The following UTP20 variants were observed in gnomAD, a reference collection of about 807,000 sequenced individuals.
UTP20 encodes the protein small subunit processome component 20 homolog.
A neutral mutation model predicts 329.5 loss-of-function variants in UTP20; 164 were observed. The ratio of observed to expected loss-of-function variants is 0.50; its 90% CI spans 0.44 to 0.57. The LOEUF is 0.57. Among genes scored for constraint, UTP20 ranks in the 20% least tolerant of loss-of-function variants. The probability of loss-of-function intolerance (pLI) is 0.00; values close to 1 mark genes in which losing one functional copy is unlikely to be tolerated. For missense variants in UTP20, 3,055 were observed against 3,284.2 expected (o/e 0.93, Z 1.71); for synonymous variants, 1,151 against 1,159.3 (o/e 0.99, Z 0.14).
chr12:101,317,899 T>C (rs1474981136), intron 22 of UTP20, among the ~76,000 whole-genome samples: 1 of 152,158 alleles, frequency 6.6e-6, no homozygotes, highest in Non-Finnish European at 1.5e-5. Context: ...CTTTTGAGAG[T>C]CATCTAATTG....
Position 101,361,628 on chromosome 12 carries a change from AAAATAAATAAATAAATAAAT to A in UTP20, c.5692-302_5692-283del, listed in dbSNP as rs60016529. ...GCTACAAGAGCAACACTCTGTCTCA[AAAATAAATAAATAAATAAAT>A]AAATAAATAAATAAATAAATAAATA... On this transcript the variant is annotated intron_variant, in intron 43 of 61. Transcript: ENST00000261637. 3.3e-4 allele frequency among the ~76,000 whole-genome samples: 46 copies of A among 139,154 alleles called. 1 individual carries two copies. Among genetic ancestry groups the A allele is most frequent in the African/African-American group, 9.9e-4 (38 of 38,256 alleles). 91.3% of individuals were successfully genotyped at this position (139,154 alleles called of 152,430 possible). A position where few individuals can be genotyped will look rare whatever the true frequency, so the allele number is the denominator to read the frequency against.
intron 19 of UTP20, among the ~76,000 whole-genome samples, chr12:101,310,120 A>G (rs1489608995): frequency 6.6e-6 from 1 of 152,148 alleles, no homozygotes; most frequent in Non-Finnish European, 1.5e-5. Context: ...CTTTTGTGTT[A>G]TTAAAATTTG....
At chr12:101,377,856 A>G (rs1870526197) in intron 56 of UTP20, among the ~76,000 whole-genome samples, 1 of 152,210 alleles carries the variant, frequency 6.6e-6, no homozygotes, top group South Asian at 2.1e-4. Context: ...GCATTGGGAA[A>G]TAAGATTAAT....
intron 43 of UTP20, among the ~76,000 whole-genome samples, chr12:101,359,126 C>T (rs147901477): frequency 8.5e-5 from 13 of 152,110 alleles, no homozygotes; most frequent in African/African-American, 2.6e-4. Context: ...GAGTGCACTG[C>T]GATCTTGGCT....
intron 2 of UTP20, among the ~76,000 whole-genome samples, chr12:101,283,564 C>G (rs917999025): frequency 1.3e-5 from 2 of 152,182 alleles, no homozygotes; most frequent in African/African-American, 4.8e-5. Context: ...GACATGGTCT[C>G]TCACACATAG....
chr12:101,370,450 A>G lies in UTP20; in HGVS notation c.6574A>G (p.Lys2192Glu). Reference protein sequence around the residue: ...NCFKCVTILVKKVKSYQITEK... With the variant: ...NCFKCVTILVEKVKSYQITEK... ...CTTGCAGTGTGTGACCATACTTGTC[A>G]AGAAAGTCAAGTCTTACCAGATAAC... Residue 2192 changes from lysine (K) to glutamate (E), a missense_variant, in exon 50 of 62, where the codon AAG becomes GAG. Physicochemically the swap from Lys to Glu is moderately conservative, Grantham distance 56. Around this residue, in one of 3 missense-constraint regions of UTP20, gnomAD observed 273 missense variants for 363.1 expected, o/e 0.75. Transcript: ENST00000261637. 6.2e-7 allele frequency: 1 copy of G among 1,613,798 alleles called. No homozygotes were observed. Among genetic ancestry groups the G allele is most frequent in the Non-Finnish European group, 8.5e-7 (1 of 1,179,894 alleles).
At chr12:101,330,586 T>C (rs1868729105) in intron 27 of UTP20, among the ~76,000 whole-genome samples, 1 of 152,242 alleles carries the variant, frequency 6.6e-6, no homozygotes, top group Non-Finnish European at 1.5e-5. Context: ...TCTTAGAAAG[T>C]TCTTTCTCTG....
At chr12:101,353,000 A>G (rs771197017) in intron 39 of UTP20, 47 bp from the exon 40 acceptor site, 4 of 1,180,190 alleles carry the variant, frequency 3.4e-6, no homozygotes, top group African/African-American at 1.5e-5. Context: ...TAATCCAGTG[A>G]TATTAATAAT....
chr12:101,287,330 T>C (rs1464191417), intron 5 of UTP20, among the ~76,000 whole-genome samples: 1 of 152,250 alleles, frequency 6.6e-6, no homozygotes, highest in Non-Finnish European at 1.5e-5. Flanking sequence ...TGGTCAAATA[T>C]GTTAGAAACC....
At chr12:101,292,152 G>A (rs1872180800) in intron 10 of UTP20, 48 bp downstream of exon 10, 6 of 1,585,140 alleles carry the variant, frequency 3.8e-6, no homozygotes, top group African/African-American at 1.3e-5. Context: ...AATATGTTTA[G>A]CATTGAGTAA....
Position 101,317,194 on chromosome 12 carries a change from G to A in UTP20, c.2553-284G>A, listed in dbSNP as rs143225057. ...CCCCCAGTGGTGGTTCCAGAGACAGGGAGGCTGATTTCCACTTAGTCCAAA... is the reference window on the plus strand; with the variant it reads ...CCCCCAGTGGTGGTTCCAGAGACAGAGAGGCTGATTTCCACTTAGTCCAAA... On this transcript the variant is annotated intron_variant, in intron 21 of 61. Transcript: ENST00000261637. 2.0e-5 allele frequency among the ~76,000 whole-genome samples: 3 copies of A among 152,256 alleles called. No individual in the cohort carries two copies. In the East Asian group the frequency reaches 5.8e-4, roughly 29 times the overall value.
At chr12:101,336,398 T>C (rs1190529725) in intron 29 of UTP20, among the ~76,000 whole-genome samples, 2 of 152,254 alleles carry the variant, frequency 1.3e-5, no homozygotes, top group African/African-American at 4.8e-5. Context: ...TACTAGCTTA[T>C]AAGTAAGTTT....
At chr12:101,301,742 T>TAAAA (rs1872526912) in intron 14 of UTP20, among the ~76,000 whole-genome samples, 1 of 152,190 alleles carries the variant, frequency 6.6e-6, no homozygotes, top group African/African-American at 2.4e-5. Flanking sequence ...TGTGACTTCT[T>TAAAA]ATAAACTTGA....
In UTP20 at chr12:101,383,140, G is replaced by T. The variant is rs200357157; in HGVS notation, c.7756G>T (p.Glu2586Ter). ...GATAAAAGAAGACCTGGAAGAACAAGAAGCTTTAGAAGATGGTGTGGCCTG... is the reference window on the plus strand; with the variant it reads ...GATAAAAGAAGACCTGGAAGAACAATAAGCTTTAGAAGATGGTGTGGCCTG... Reference protein sequence around the residue: ...SKIKEDLEEQEALEDGVACAD... With the variant: ...SKIKEDLEEQ Residue 2586 changes from glutamate to a stop codon, truncating the protein, a stop_gained, in exon 59 of 62, where the codon GAA becomes TAA. Transcript: ENST00000261637. LOFTEE classifies it high-confidence loss of function. 1 of 1,613,840 alleles carries T rather than the reference G, an allele frequency of 6.2e-7. No homozygotes were observed. The highest frequency in any genetic ancestry group is 8.5e-7 in the Non-Finnish European group (1 of 1,179,946).
Position 101,309,759 on chromosome 12 carries a change from G to A in UTP20, c.2155-4G>A, listed in dbSNP as rs1225846402. ...AATACTAAACTAGTCTTTTGTAATT[G>A]CAGGTGCCGCTTCGTTATTTGTTAG... is the stretch of plus-strand genomic sequence containing the variant. On this transcript the variant is annotated splice_region_variant and splice_polypyrimidine_tract_variant and intron_variant, in intron 18 of 61. Transcript: ENST00000261637. The A allele has an allele frequency of 1.2e-6, 2 of 1,613,306 alleles. No homozygotes were observed. The highest frequency in any genetic ancestry group is 1.7e-6 in the Non-Finnish European group (2 of 1,179,696).
At chr12:101,311,641 CTCTT>C in intron 19 of UTP20, 74 bp from the exon 20 acceptor site, 1 of 1,234,126 alleles carries the variant, frequency 8.1e-7, no homozygotes, top group Non-Finnish European at 1.1e-6. Flanking sequence ...TATCCTTTCA[CTCTT>C]TTTTTTTTTT....
At chr12:101,290,909 A>G in intron 8 of UTP20, 21 bp downstream of exon 8, 1 of 1,601,314 alleles carries the variant, frequency 6.2e-7, no homozygotes, top group Non-Finnish European at 8.5e-7. Flanking sequence ...ATCTTTAAGG[A>G]TGGGTTTTTG....
chr12:101,348,739 G>GTTT lies in UTP20; in HGVS notation c.4884+2168_4884+2170dup, dbSNP rs35417344. Among the ~76,000 whole-genome samples the GTTT allele has an allele frequency of 4.4e-3, 430 of 97,288 alleles. 17 individuals carry two copies. Among genetic ancestry groups the GTTT allele is most frequent in the Non-Finnish European group, 6.2e-3 (320 of 51,910 alleles). 63.8% of individuals were successfully genotyped at this position (97,288 alleles called of 152,430 possible). The stretch of plus-strand genomic sequence containing the variant: ...TTTGTGTGTATGTGAGTTTTTGGTG[G>GTTT]TTTTTTTTTTTTTTTTTTTGGAGAG... On this transcript the variant is annotated intron_variant, in intron 38 of 61. Coordinates refer to ENST00000261637, the MANE Select transcript of UTP20 (RefSeq NM_014503.3).
rs776020957 is a variant in UTP20 at position 101,342,580 on chromosome 12, G to A, written c.4236G>A (p.Thr1412=). ...KNKLSRKLLC[T]VFETLSDFES... ...AATTGTCAAGAAAATTGCTTTGTAC[G>A]GTTTTTGAGGTCTGTACTATTCATT... Residue 1412 remains threonine (T), a synonymous_variant, in exon 33 of 62, where the codon ACG becomes ACA. Coordinates refer to ENST00000261637, the MANE Select transcript of UTP20 (RefSeq NM_014503.3). 1.6e-5 allele frequency: 26 copies of A among 1,610,890 alleles called. No individual in the cohort carries two copies. Among genetic ancestry groups the A allele is most frequent in the South Asian group, 1.0e-4 (9 of 90,336 alleles).
Sources: gnomAD v4.1 joint callset for allele counts (sites outside exome capture counted in the v4.1 genomes callset) on GRCh38, gnomAD v4.1.1 for gene constraint, gnomAD v4.1.1 regional missense constraint, MANE v1.5 for transcripts, NCBI Gene and HGNC (gene_info 2026-07-23, HGNC 2026-07-21) for gene names.